The following MYZAP variants were observed in gnomAD, a reference collection of about 807,000 sequenced individuals.
MYZAP encodes GRINL1A complex locus upstream.
Under a neutral mutation model 69.4 loss-of-function variants are expected in MYZAP, and 66 were observed. The observed-to-expected ratio is 0.95, with a 90% CI of 0.78 to 1.17. The LOEUF (loss-of-function observed/expected upper bound fraction) is 1.17. Ranked by LOEUF, MYZAP falls within the 50% of genes most tolerant of loss-of-function variation. The pLI, the probability that MYZAP is intolerant of heterozygous loss-of-function variation, is 0.00. For synonymous variants in MYZAP, 256 were observed against 205.9 expected (o/e 1.24, Z -2.09); for missense variants, 611 against 556.2 (o/e 1.10, Z -0.99).
intron 11 of MYZAP, among the ~76,000 whole-genome samples, chr15:57,661,780 C>CT: frequency 6.6e-6 from 1 of 152,286 alleles, no homozygotes; most frequent in Non-Finnish European, 1.5e-5. Flanking sequence ...AAGAATCATC[C>CT]TAGCAAGCCT....
At chr15:57,681,911 T>C (rs1283757964) in intron 12 of MYZAP, among the ~76,000 whole-genome samples, 3 of 152,196 alleles carry the variant, frequency 2.0e-5, no homozygotes, top group African/African-American at 7.2e-5. Flanking sequence ...ATACACCCCC[T>C]GCCATGCTTT....
At chr15:57,678,464 A>G (rs1156802994) in intron 12 of MYZAP, among the ~76,000 whole-genome samples, 2 of 152,240 alleles carry the variant, frequency 1.3e-5, no homozygotes, top group East Asian at 3.8e-4. Flanking sequence ...ATATTAACTA[A>G]ACCCAAACTC....
At chr15:57,681,668 C>T (rs1464272567) in intron 12 of MYZAP, among the ~76,000 whole-genome samples, 1 of 152,120 alleles carries the variant, frequency 6.6e-6, no homozygotes, top group African/African-American at 2.4e-5. Flanking sequence ...GCCTGTAATC[C>T]CAGCTACTTG....
chr15:57,632,373 G>T, intron 6 of MYZAP, 61 bp from the exon 7 acceptor site: 1 of 1,607,966 alleles, frequency 6.2e-7, no homozygotes, highest in Non-Finnish European at 8.5e-7. Flanking sequence ...ATGTGCAGTG[G>T]AAGCTGCCAA....
chr15:57,612,460 G>A lies in MYZAP; in HGVS notation c.163-5573G>A, dbSNP rs563783194. On this transcript the variant is annotated intron_variant, in intron 2 of 12. Transcript: ENST00000267853. The stretch of plus-strand genomic sequence containing the variant: ...GCACAGATTAATCCTCAGTGTCAAG[G>A]ATGACTGTATACTCCAAATATTCCA... Among the ~76,000 whole-genome samples the A allele has an allele frequency of 6.6e-4, 101 of 152,288 alleles. No homozygotes were observed. In the South Asian group the frequency reaches 7.5e-3, roughly 11 times the overall value.
At chr15:57,671,075 G>T (rs746239380) in intron 11 of MYZAP, among the ~76,000 whole-genome samples, 8 of 151,964 alleles carry the variant, frequency 5.3e-5, no homozygotes. Context: ...ATGTCATCTC[G>T]CCTCAGCCTG....
In MYZAP at chr15:57,637,574, G is replaced by A. The variant is rs186647793; in HGVS notation, c.934-121G>A. ...GCCTTGTTTGGGCTTTGCTGAGCAG[G>A]TGTGTAAAACCCAGGGGGTGTCATA... is the stretch of plus-strand genomic sequence containing the variant. On this transcript the variant is annotated intron_variant, in intron 8 of 12. Transcript: ENST00000267853. 9.2e-6 allele frequency: 9 copies of A among 978,592 alleles called. No homozygotes were observed. In the East Asian group the frequency reaches 1.3e-4, roughly 14 times the overall value. The allele number at this position is 978,592 out of a possible 1,614,324, so 60.6% of individuals were successfully genotyped here.
intron 11 of MYZAP, among the ~76,000 whole-genome samples, chr15:57,669,849 C>T (rs959925511): frequency 2.8e-4 from 43 of 152,190 alleles, no homozygotes; most frequent in Admixed American, 2.7e-3. Flanking sequence ...TTATTATCTT[C>T]CAGTTCAAAA....
At chr15:57,662,494 G>A (rs1188782485) in intron 11 of MYZAP, among the ~76,000 whole-genome samples, 1 of 152,178 alleles carries the variant, frequency 6.6e-6, no homozygotes, top group African/African-American at 2.4e-5. Flanking sequence ...CCCTGGATCT[G>A]CTTCTTATCA....
At chr15:57,638,895 A>G (rs1400061098) in intron 9 of MYZAP, among the ~76,000 whole-genome samples, 1 of 152,158 alleles carries the variant, frequency 6.6e-6, no homozygotes, top group Non-Finnish European at 1.5e-5. Flanking sequence ...ATGTTCCAAT[A>G]TGTTAATAAC....
intron 10 of MYZAP, chr15:57,647,789 T>C (rs1595907528): frequency 1.0e-6 from 1 of 985,420 alleles, no homozygotes; most frequent in South Asian, 4.7e-5. Flanking sequence ...AGATCTGGGT[T>C]CCTTGCATTG....
At chr15:57,599,731 G>A (rs912224493) in intron 1 of MYZAP, 12 of 1,284,984 alleles carry the variant, frequency 9.3e-6, no homozygotes, top group East Asian at 5.6e-5. Context: ...GATGTTACTC[G>A]GGGAGATTTT....
At chr15:57,636,598 A>G (rs1477013792) in intron 8 of MYZAP, among the ~76,000 whole-genome samples, 1 of 152,190 alleles carries the variant, frequency 6.6e-6, no homozygotes, top group African/African-American at 2.4e-5. Flanking sequence ...TAATCTCCCA[A>G]TTAGTGAGCG....
At chr15:57,683,349 G>A (rs1365852661) in intron 12 of MYZAP, among the ~76,000 whole-genome samples, 1 of 152,214 alleles carries the variant, frequency 6.6e-6, no homozygotes, top group African/African-American at 2.4e-5. Flanking sequence ...CCGGGCCACA[G>A]AGTAGGGTGG....
intron 2 of MYZAP, among the ~76,000 whole-genome samples, chr15:57,604,848 T>C (rs1220794200): frequency 2.6e-5 from 4 of 152,282 alleles, no homozygotes; most frequent in Non-Finnish European, 5.9e-5. Context: ...TCGGCAAACA[T>C]TTTTGTGACA....
chr15:57,670,260 A>G (rs1184849903), intron 11 of MYZAP, among the ~76,000 whole-genome samples: 6 of 151,924 alleles, frequency 3.9e-5, no homozygotes, highest in Non-Finnish European at 7.4e-5. Flanking sequence ...TACTTTGTGT[A>G]TTTTGAAACT....
chr15:57,623,839 A>C (rs147745299), intron 4 of MYZAP, among the ~76,000 whole-genome samples: 2,221 of 151,966 alleles, frequency 0.015, 28 homozygotes, highest in South Asian at 0.045. Context: ...AATCCCTTGA[A>C]GGGGAGATAC....
chr15:57,599,562 C>A lies in MYZAP; in HGVS notation c.76-4707C>A, dbSNP rs527322819. On this transcript the variant is annotated intron_variant, in intron 1 of 12. Coordinates refer to ENST00000267853, the MANE Select transcript of MYZAP (RefSeq NM_001018100.5). ...TTCTTCGCATTGTGCATAACACAAG[C>A]CCTGAACCAGCTGCTTTGGGAACCC... is the stretch of plus-strand genomic sequence containing the variant. 2.3e-6 allele frequency: 3 copies of A among 1,284,472 alleles called. No homozygotes were observed. In the South Asian group the frequency reaches 3.7e-5, roughly 16 times the overall value. 79.6% of individuals were successfully genotyped at this position (1,284,472 alleles called of 1,614,324 possible).
chr15:57,667,510 T>G (rs1402396971), intron 11 of MYZAP, among the ~76,000 whole-genome samples: 1 of 152,208 alleles, frequency 6.6e-6, no homozygotes, highest in Non-Finnish European at 1.5e-5. Flanking sequence ...AGCAATCTTT[T>G]TTGTAGCACA....
Sources: allele counts gnomAD v4.1 joint callset (sites outside exome capture counted in the v4.1 genomes callset), GRCh38; gene constraint gnomAD v4.1.1; transcripts MANE v1.5; gene names NCBI Gene and HGNC (gene_info 2026-07-23, HGNC 2026-07-21).